APAF1: variants seen among roughly 807,000 people sequenced by gnomAD.
APAF1 encodes the protein apoptotic protease-activating factor 1.
APAF1 carries 91 observed loss-of-function variants against 152.4 expected under a neutral mutation model. The observed-to-expected ratio is 0.60, with a 90% CI of 0.50 to 0.71. APAF1 has a LOEUF of 0.71. Among genes scored for constraint, APAF1 ranks in the 30% least tolerant of loss-of-function variants. The pLI is 0.00. For missense variants in APAF1, 1,283 were observed against 1,472.0 expected (o/e 0.87, Z 2.10); for synonymous variants, 484 against 494.1 (o/e 0.98, Z 0.27).
In APAF1 at chr12:98,645,476, C is replaced by G. The variant is rs561224847; in HGVS notation, c.-401C>G. On this transcript the variant is annotated 5_prime_UTR_variant, in exon 1 of 27. Coordinates refer to ENST00000551964, the MANE Select transcript of APAF1 (RefSeq NM_181861.2). The stretch of plus-strand genomic sequence containing the variant: ...CCGTCGGGGGAAGGGCGCCACAGGC[C>G]GGGAAGACCTCCTCCCTTTGTGTCC... 48 of 152,428 alleles carry G rather than the reference C, an allele frequency of 3.1e-4. No individual in the cohort carries two copies. The highest frequency in any genetic ancestry group is 1.2e-3 in the African/African-American group (48 of 41,580). The allele number at this position is 152,428 out of a possible 1,614,324, so 9.4% of individuals were successfully genotyped here.
intron 9 of APAF1, among the ~76,000 whole-genome samples, chr12:98,666,904 T>C (rs1050175888): frequency 6.6e-6 from 1 of 152,192 alleles, no homozygotes; most frequent in Non-Finnish European, 1.5e-5. Flanking sequence ...CAGGCTGTTC[T>C]TGAACTCCTG....
rs2097674424 is a variant in APAF1, at chr12:98,667,421, G to C, written c.1363-92G>C. On this transcript the variant is annotated intron_variant, in intron 9 of 26. Transcript: ENST00000551964. ...GTGAGCCACCGAGCCCGGCCTCTCT[G>C]TACATTCTTAATAGCTTTGGAAGCT... 4.6e-6 allele frequency: 7 copies of C among 1,519,590 alleles called. No individual in the cohort carries two copies. The East Asian group carries it at 1.1e-4, about 25-fold the overall frequency. The allele number at this position is 1,519,590 out of a possible 1,614,324, so 94.1% of individuals were successfully genotyped here. A position where few individuals can be genotyped will look rare whatever the true frequency, so the allele number is the denominator to read the frequency against.
In APAF1 at chr12:98,723,220, A is replaced by G. The variant is rs146238655; in HGVS notation, c.3112A>G (p.Ile1038Val). The G allele has an allele frequency of 2.5e-4, 405 of 1,613,674 alleles. 2 individuals are homozygous for G. The Admixed American group carries it at 6.1e-3, about 24-fold the overall frequency. Residue 1038 changes from isoleucine to valine, a missense_variant, in exon 23 of 27, where the codon ATC (isoleucine) becomes GTC (valine). By Grantham distance (29) the Ile-to-Val change is conservative. Transcript: ENST00000551964. ...ATGGAATTGGCAATTGGACAAATGT[A>G]TCTTTCTACGAGGCCATCAGGAAAC... ...QVWNWQLDKC[I>V]FLRGHQETVK...
intron 17 of APAF1, among the ~76,000 whole-genome samples, chr12:98,701,344 A>G (rs1033697245): frequency 3.9e-5 from 6 of 152,112 alleles, no homozygotes; most frequent in African/African-American, 1.4e-4. Flanking sequence ...TATCTATTTG[A>G]GCCTTGTGTG....
intron 16 of APAF1, among the ~76,000 whole-genome samples, chr12:98,689,028 T>A (rs984319194): frequency 6.6e-6 from 1 of 152,104 alleles, no homozygotes; most frequent in Admixed American, 6.6e-5. Flanking sequence ...TTTCCCAGGC[T>A]GGTCTGAAAC....
intron 20 of APAF1, among the ~76,000 whole-genome samples, chr12:98,711,196 A>G (rs970931179): frequency 1.3e-5 from 2 of 152,108 alleles, no homozygotes; most frequent in African/African-American, 4.8e-5. Context: ...GGATATTTCT[A>G]CTTCAGTTTT....
rs1369642503 is a variant in APAF1, at chr12:98,659,227, A to G, written c.594A>G (p.Lys198=). The change falls in exon 5 of 27, where the codon AAA becomes AAG. Residue 198 remains lysine, a synonymous_variant. Transcript: ENST00000551964. ...GKQDKSGLLM[K]LQNLCTRLDQ... is the part of the protein sequence containing the mutation. ...AAGACAAATCTGGGCTTCTGATGAAACTGCAGAATCTTTGCACACGGTTGG... is the reference window on the plus strand; with the variant it reads ...AAGACAAATCTGGGCTTCTGATGAAGCTGCAGAATCTTTGCACACGGTTGG... 2 of 1,614,162 alleles carry G rather than the reference A, an allele frequency of 1.2e-6. No individual in the cohort carries two copies. The highest frequency in any genetic ancestry group is 2.2e-5 in the East Asian group (1 of 44,882).
chr12:98,701,783 C>A (rs2097715623), intron 17 of APAF1, among the ~76,000 whole-genome samples: 1 of 152,078 alleles, frequency 6.6e-6, no homozygotes, highest in Non-Finnish European at 1.5e-5. Context: ...GATTTCTTAC[C>A]CTTTGGTCTC....
In APAF1 at chr12:98,662,355, A is replaced by AT. The variant is rs1189725173; in HGVS notation, c.711-98dup. ...TAGCCATCTATTTGTTTTAAAAAAA[A>AT]TTTAATTTGGTAGATTTTAAAAGAC... On this transcript the variant is annotated intron_variant, in intron 5 of 26. Coordinates refer to ENST00000551964, the MANE Select transcript of APAF1 (RefSeq NM_181861.2). 4 of 883,988 alleles carry AT rather than the reference A, an allele frequency of 4.5e-6. No individual in the cohort carries two copies. In the African/African-American group the frequency reaches 5.1e-5, roughly 11 times the overall value. The allele number at this position is 883,988 out of a possible 1,614,324, so 54.8% of individuals were successfully genotyped here.
intron 16 of APAF1, among the ~76,000 whole-genome samples, chr12:98,688,511 A>G (rs1284465989): frequency 7.6e-6 from 1 of 131,238 alleles, no homozygotes; most frequent in African/African-American, 2.9e-5. Flanking sequence ...TCACTCTTTC[A>G]CTCAGGCTGG....
chr12:98,655,064 A>G (rs1310668316), intron 4 of APAF1, among the ~76,000 whole-genome samples: 3 of 115,168 alleles, frequency 2.6e-5, no homozygotes, highest in African/African-American at 1.0e-4. Flanking sequence ...GCATCTGTTT[A>G]ACAAAGCACA....
At chr12:98,682,110 G>A (rs1170961541) in intron 14 of APAF1, among the ~76,000 whole-genome samples, 1 of 144,258 alleles carries the variant, frequency 6.9e-6, no homozygotes, top group African/African-American at 2.6e-5. Context: ...TTGAACTGCA[G>A]TGGCGCTATC....
chr12:98,670,429 T>G (rs1209100627), intron 10 of APAF1, among the ~76,000 whole-genome samples: 1 of 152,150 alleles, frequency 6.6e-6, no homozygotes, highest in East Asian at 1.9e-4. Context: ...TTGACGTGTT[T>G]TTCTTTTTCT....
chr12:98,673,442 CAAA>C (rs1162049645), intron 12 of APAF1, among the ~76,000 whole-genome samples: 5 of 89,256 alleles, frequency 5.6e-5, no homozygotes, highest in Non-Finnish European at 9.8e-5. Context: ...TCTCAAAAAA[CAAA>C]AAAAAAAAAA....
intron 4 of APAF1, among the ~76,000 whole-genome samples, chr12:98,656,128 A>G (rs974214278): frequency 1.3e-5 from 2 of 151,922 alleles, no homozygotes; most frequent in Admixed American, 6.6e-5. Context: ...TGGTTTCACC[A>G]TGTTGCTCAG....
chr12:98,661,421 G>A (rs73374765), intron 5 of APAF1, among the ~76,000 whole-genome samples: 18,315 of 152,070 alleles, frequency 0.12, 1,173 homozygotes, highest in East Asian at 0.25. Flanking sequence ...CATTTGGTTT[G>A]TGCTTTTGTA....
intron 16 of APAF1, among the ~76,000 whole-genome samples, chr12:98,688,941 T>C (rs2153327985): frequency 6.6e-6 from 1 of 152,016 alleles, no homozygotes; most frequent in Non-Finnish European, 1.5e-5. Context: ...GCCTCTTGAG[T>C]AGCTGGGACT....
chr12:98,651,423 C>T (rs935041197), intron 4 of APAF1, among the ~76,000 whole-genome samples: 1 of 152,078 alleles, frequency 6.6e-6, no homozygotes, highest in Admixed American at 6.6e-5. Flanking sequence ...TGGTATTATT[C>T]TGTTTTTTAT....
intron 7 of APAF1, 46 bp from the exon 8 acceptor site, chr12:98,665,507 C>T: frequency 7.7e-7 from 1 of 1,296,792 alleles, no homozygotes; most frequent in Non-Finnish European, 1.1e-6. Flanking sequence ...TTATTAGTGA[C>T]AAAATAGGAT....
Sources: gnomAD v4.1 joint callset for allele counts (sites outside exome capture counted in the v4.1 genomes callset) on GRCh38, gnomAD v4.1.1 for gene constraint, MANE v1.5 for transcripts, NCBI Gene and HGNC (gene_info 2026-07-23, HGNC 2026-07-21) for gene names.